Variants in SSH2 observed in about 807,000 individuals in gnomAD.
SSH2 encodes the protein protein phosphatase Slingshot homolog 2.
SSH2 carries 37 observed loss-of-function variants against 135.2 expected under a neutral mutation model. The ratio of observed to expected loss-of-function variants is 0.27; its 90% CI spans 0.21 to 0.36. The LOEUF (loss-of-function observed/expected upper bound fraction) is 0.36. Ranked by LOEUF, SSH2 falls within the 10% of genes least tolerant of loss-of-function variation. The probability of loss-of-function intolerance (pLI) is 1.00; values close to 1 mark genes in which losing one functional copy is unlikely to be tolerated. For synonymous variants in SSH2, 628 were observed against 646.2 expected (o/e 0.97, Z 0.43); for missense variants, 1,408 against 1,765.3 (o/e 0.80, Z 3.63).
intron 14 of SSH2, among the ~76,000 whole-genome samples, chr17:29,637,354 C>CCCCCACCACACCCAGCTGAA (rs1406793828): frequency 1.1e-4 from 17 of 152,084 alleles, no homozygotes; most frequent in African/African-American, 3.9e-4. Flanking sequence ...CCACATTGGC[C>CCCCCACCACACCCAGCTGAA]CCCCACCACA....
chr17:29,789,969 G>A (rs929004328), intron 3 of SSH2, among the ~76,000 whole-genome samples: 1 of 152,128 alleles, frequency 6.6e-6, no homozygotes, highest in Non-Finnish European at 1.5e-5. Flanking sequence ...CAGCTGGAGA[G>A]GAATGTTGGC....
At chr17:29,817,335 G>C (rs2042575943) in intron 2 of SSH2, among the ~76,000 whole-genome samples, 1 of 151,922 alleles carries the variant, frequency 6.6e-6, no homozygotes, top group South Asian at 2.1e-4. Context: ...TTCTCTTCTT[G>C]GACTTCTTTG....
intron 1 of SSH2, 80 bp from the exon 2 acceptor site, chr17:29,849,009 T>C: frequency 1.1e-6 from 1 of 907,210 alleles, no homozygotes; most frequent in Admixed American, 2.1e-5. Flanking sequence ...CTGAAATCAC[T>C]GAGTCAGTGG....
intron 3 of SSH2, among the ~76,000 whole-genome samples, chr17:29,746,547 C>CAAAAAAAA (rs57217896): frequency 5.9e-5 from 4 of 67,944 alleles, no homozygotes; most frequent in East Asian, 5.0e-4. Flanking sequence ...GACTCTGTCT[C>CAAAAAAAA]AAAAAAAAAA....
intron 4 of SSH2, among the ~76,000 whole-genome samples, chr17:29,696,190 C>CAT: frequency 7.6e-6 from 1 of 130,724 alleles, no homozygotes; most frequent in Admixed American, 8.1e-5. Context: ...CACACACACA[C>CAT]ACACACACAC....
chr17:29,648,084 A>G, intron 14 of SSH2, 60 bp downstream of exon 14: 2 of 1,487,702 alleles, frequency 1.3e-6, no homozygotes, highest in Admixed American at 1.7e-5. Flanking sequence ...AGAGAAGGAC[A>G]CTTCATCTTG....
chr17:29,829,116 G>A (rs932136531), intron 2 of SSH2, among the ~76,000 whole-genome samples: 1 of 152,152 alleles, frequency 6.6e-6, no homozygotes, highest in Non-Finnish European at 1.5e-5. Context: ...GGATCTCAGA[G>A]GGACATCTGA....
At chr17:29,734,337 T>C (rs1016384541) in intron 3 of SSH2, among the ~76,000 whole-genome samples, 2 of 152,146 alleles carry the variant, frequency 1.3e-5, no homozygotes, top group Non-Finnish European at 2.9e-5. Flanking sequence ...AAATGGCAAG[T>C]TGGCAAAAAT....
chr17:29,803,225 A>G (rs1362816234), intron 2 of SSH2, among the ~76,000 whole-genome samples: 1 of 152,224 alleles, frequency 6.6e-6, no homozygotes, highest in African/African-American at 2.4e-5. Context: ...CAGAAATTCA[A>G]GCAGCACTTG....
chr17:29,765,792 G>A (rs140724260), intron 3 of SSH2, among the ~76,000 whole-genome samples: 5,138 of 152,110 alleles, frequency 0.034, 130 homozygotes, highest in African/African-American at 0.063. Context: ...GGCCGAGGCC[G>A]GTGGATCACT....
chr17:29,755,672 T>G (rs2041090637), intron 3 of SSH2, among the ~76,000 whole-genome samples: 1 of 151,146 alleles, frequency 6.6e-6, no homozygotes, highest in Admixed American at 6.6e-5. Flanking sequence ...TTTTTCTTTT[T>G]TTTTTTTGAG....
Position 29,929,913 on chromosome 17 carries a change from G to T in SSH2, c.63+25C>A, listed in dbSNP as rs761586064. 5.7e-6 allele frequency: 9 copies of T among 1,576,252 alleles called. No individual in the cohort carries two copies. In the South Asian group the frequency reaches 9.3e-5, roughly 16 times the overall value. Reference sequence around the variant, plus strand: ...CGGAGCCGCAGTGACAGAAGCAAGCGGAGCGGCCGCCAGGAAGGACTCACC... The same window carrying T: ...CGGAGCCGCAGTGACAGAAGCAAGCTGAGCGGCCGCCAGGAAGGACTCACC... On this transcript the variant is annotated intron_variant, in intron 1 of 15. Transcript: ENST00000540801.
intron 2 of SSH2, among the ~76,000 whole-genome samples, chr17:29,844,666 T>C (rs1182425822): frequency 2.0e-5 from 3 of 152,212 alleles, no homozygotes; most frequent in Admixed American, 2.0e-4. Flanking sequence ...GTTACCTTTC[T>C]CTGGGGGCAG....
intron 2 of SSH2, among the ~76,000 whole-genome samples, chr17:29,845,863 A>G (rs140337634): frequency 6.6e-6 from 1 of 151,972 alleles, no homozygotes; most frequent in African/African-American, 2.4e-5. Flanking sequence ...CCTGGCCCCA[A>G]CTAATTGTTT....
chr17:29,690,404 CAAAAA>C (rs1272605484), intron 5 of SSH2, among the ~76,000 whole-genome samples: 1 of 90,352 alleles, frequency 1.1e-5, no homozygotes. Flanking sequence ...AACTCTGTCT[CAAAAA>C]AAAAAAAAAA....
chr17:29,725,832 G>A (rs2039985183), intron 3 of SSH2, among the ~76,000 whole-genome samples: 1 of 152,134 alleles, frequency 6.6e-6, no homozygotes, highest in Non-Finnish European at 1.5e-5. Context: ...GGGTTGATAG[G>A]TGCAGCAAAC....
chr17:29,855,405 T>G (rs1037947267), intron 1 of SSH2, among the ~76,000 whole-genome samples: 1 of 152,122 alleles, frequency 6.6e-6, no homozygotes, highest in African/African-American at 2.4e-5. Context: ...CTCAGGGGGC[T>G]GAGGTCGGAG....
At position 29,631,287 on chromosome 17, in the gene SSH2, T is replaced by G. The variant is rs1338861961; in HGVS notation, c.3907A>C (p.Arg1303=). ...LDLCKDCLPE[R]EPASCESPHL... is the part of the protein sequence containing the mutation. ...GGGGATTCACAGGAGGCAGGCTCCC[T>G]CTCTGGTAAGCAGTCTTTACAGAGG... The change falls in exon 16 of 16, where the codon AGG becomes CGG. Residue 1303 remains arginine, a synonymous_variant. Coordinates refer to ENST00000540801, the MANE Select transcript of SSH2 (RefSeq NM_001282129.2). The G allele has an allele frequency of 6.2e-7, 1 of 1,614,036 alleles. No homozygotes were observed. The highest frequency in any genetic ancestry group is 2.2e-5 in the East Asian group (1 of 44,896).
At chr17:29,642,568 A>ACC (rs575171210) in intron 14 of SSH2, among the ~76,000 whole-genome samples, 11 of 147,324 alleles carry the variant, frequency 7.5e-5, no homozygotes, top group African/African-American at 1.5e-4. Context: ...CACAGACACC[A>ACC]CCCCCCCCAC....
Sources: gnomAD v4.1 joint callset for allele counts (sites outside exome capture counted in the v4.1 genomes callset) on GRCh38, gnomAD v4.1.1 for gene constraint, MANE v1.5 for transcripts, NCBI Gene and HGNC (gene_info 2026-07-23, HGNC 2026-07-21) for gene names.